TBXAS1: variants seen among roughly 807,000 people sequenced by gnomAD.
TBXAS1 encodes thromboxane A synthase 1, also known as thromboxane-A synthase.
Under a neutral mutation model 60.7 loss-of-function variants are expected in TBXAS1, and 48 were observed. That is an observed-to-expected ratio of 0.79 (90% CI 0.63 to 1.01). TBXAS1 has a LOEUF of 1.01. Among genes scored for constraint, TBXAS1 ranks in the 50% least tolerant of loss-of-function variants. TBXAS1 has a pLI of 0.00. For synonymous variants in TBXAS1, 287 were observed against 269.7 expected (o/e 1.06, Z -0.63); for missense variants, 685 against 686.3 (o/e 1.00, Z 0.02).
intron 10 of TBXAS1, among the ~76,000 whole-genome samples, chr7:140,008,447 C>CTTTTTT (rs35875761): frequency 7.9e-6 from 1 of 126,058 alleles, no homozygotes; most frequent in African/African-American, 3.0e-5. Context: ...TTCTTTTATT[C>CTTTTTT]TTTTTTTTTT....
At chr7:139,839,289 T>G (rs1002199020) in intron 1 of TBXAS1, among the ~76,000 whole-genome samples, 1 of 152,216 alleles carries the variant, frequency 6.6e-6, no homozygotes, top group Non-Finnish European at 1.5e-5. Context: ...AGTGGGAAAC[T>G]GCTCCCTTCT....
chr7:139,787,162 A>G (rs1483898440), intron 3 of TBXAS1, among the ~76,000 whole-genome samples: 2 of 152,194 alleles, frequency 1.3e-5, no homozygotes, highest in African/African-American at 4.8e-5. Context: ...AAAACAAATA[A>G]TCTTTTGTCA....
chr7:139,994,050 A>AT (rs945812757), intron 9 of TBXAS1, among the ~76,000 whole-genome samples: 7 of 149,920 alleles, frequency 4.7e-5, no homozygotes, highest in African/African-American at 1.7e-4. Flanking sequence ...TGCCCAGCTG[A>AT]TTTTTTTTGA....
At chr7:139,817,997 C>T (rs920251966) in intron 4 of TBXAS1, among the ~76,000 whole-genome samples, 2 of 152,180 alleles carry the variant, frequency 1.3e-5, no homozygotes, top group Non-Finnish European at 2.9e-5. Flanking sequence ...AGAAACATTT[C>T]GTGATCACCT....
intron 4 of TBXAS1, among the ~76,000 whole-genome samples, chr7:139,914,435 C>A (rs749536769): frequency 2.0e-5 from 3 of 152,106 alleles, no homozygotes; most frequent in Non-Finnish European, 4.4e-5. Flanking sequence ...TGGTCACAAC[C>A]AGTGGCAGAA....
chr7:139,928,039 A>C (rs1807029039), intron 4 of TBXAS1, among the ~76,000 whole-genome samples: 1 of 152,178 alleles, frequency 6.6e-6, no homozygotes, highest in South Asian at 2.1e-4. Flanking sequence ...GTCAAATAGA[A>C]GTGTAATAGT....
chr7:139,950,680 ACCCC>A (rs1374980281), intron 5 of TBXAS1, among the ~76,000 whole-genome samples: 30 of 108,930 alleles, frequency 2.8e-4, no homozygotes, highest in Non-Finnish European at 5.0e-4. Flanking sequence ...CATCTACGGG[ACCCC>A]CTCGCCCTCC....
intron 3 of TBXAS1, among the ~76,000 whole-genome samples, chr7:139,898,590 C>G (rs1321588946): frequency 6.6e-6 from 1 of 152,054 alleles, no homozygotes; most frequent in East Asian, 1.9e-4. Context: ...GGATTACAGG[C>G]GTGAGCCACT....
chr7:139,805,718 C>A (rs1294633622), intron 4 of TBXAS1, among the ~76,000 whole-genome samples: 21 of 116,222 alleles, frequency 1.8e-4, no homozygotes, highest in African/African-American at 7.0e-4. Flanking sequence ...TTCTTTCTCT[C>A]TCTCTCTCTC....
At chr7:139,955,673 T>C (rs952210002) in intron 7 of TBXAS1, 66 bp downstream of exon 7, 31 of 1,604,624 alleles carry the variant, frequency 1.9e-5, no homozygotes, top group Non-Finnish European at 2.5e-5. Flanking sequence ...CCATGACACC[T>C]GGGGTGGCTT....
chr7:139,956,155 T>C (rs957490132), intron 7 of TBXAS1, among the ~76,000 whole-genome samples: 1 of 152,060 alleles, frequency 6.6e-6, no homozygotes, highest in African/African-American at 2.4e-5. Context: ...ATTATTATTA[T>C]TATTTTTTTA....
intron 4 of TBXAS1, among the ~76,000 whole-genome samples, chr7:139,799,157 T>A (rs780034176): frequency 6.6e-5 from 10 of 150,554 alleles, no homozygotes; most frequent in Non-Finnish European, 1.5e-4. Flanking sequence ...CAGCTTCCAC[T>A]TCCTGGGCTC....
intron 1 of TBXAS1, among the ~76,000 whole-genome samples, chr7:139,836,906 C>G (rs550531533): frequency 6.3e-4 from 96 of 152,286 alleles, no homozygotes; most frequent in African/African-American, 2.2e-3. Flanking sequence ...TCTTCACAAT[C>G]TATACATCTG....
At chr7:139,964,318 C>G (rs1370738838) in intron 9 of TBXAS1, among the ~76,000 whole-genome samples, 1 of 152,228 alleles carries the variant, frequency 6.6e-6, no homozygotes, top group South Asian at 2.1e-4. Context: ...CTCCCAACCT[C>G]AGGTGATCCG....
At chr7:139,991,521 C>A (rs935142933) in intron 9 of TBXAS1, among the ~76,000 whole-genome samples, 4 of 152,164 alleles carry the variant, frequency 2.6e-5, no homozygotes, top group African/African-American at 9.7e-5. Context: ...AGGGAGAGGT[C>A]ATTTATGAAC....
chr7:139,945,160 A>G (rs532617712), intron 5 of TBXAS1, among the ~76,000 whole-genome samples: 1 of 152,370 alleles, frequency 6.6e-6, no homozygotes, highest in East Asian at 1.9e-4. Flanking sequence ...TGTTGCTGAA[A>G]GCACATGGAC....
At chr7:139,964,038 G>C (rs1810581018) in intron 9 of TBXAS1, among the ~76,000 whole-genome samples, 1 of 152,104 alleles carries the variant, frequency 6.6e-6, no homozygotes, top group East Asian at 1.9e-4. Context: ...TTCCCAGAAA[G>C]AGTCATGAGG....
chr7:139,886,626 A>T (rs974743391), intron 3 of TBXAS1, among the ~76,000 whole-genome samples: 1 of 152,140 alleles, frequency 6.6e-6, no homozygotes, highest in Non-Finnish European at 1.5e-5. Flanking sequence ...GCAGGAAGGA[A>T]ATCCAGGTAC....
Position 139,953,358 on chromosome 7 carries a change from C to A in TBXAS1, c.451-10C>A. 1 of 1,611,262 alleles carries A rather than the reference C, an allele frequency of 6.2e-7. No individual in the cohort carries two copies. The highest frequency in any genetic ancestry group is 8.5e-7 in the Non-Finnish European group (1 of 1,177,362). On this transcript the variant is annotated splice_polypyrimidine_tract_variant and intron_variant, in intron 5 of 12. Transcript: ENST00000448866. ...GGTGCCCTAATTACACCTTTGTTAT[C>A]CATTATCAGATGGTTCCCCTCATCA...
Sources: allele counts gnomAD v4.1 joint callset (sites outside exome capture counted in the v4.1 genomes callset), GRCh38; gene constraint gnomAD v4.1.1; transcripts MANE v1.5; gene names NCBI Gene and HGNC (gene_info 2026-07-23, HGNC 2026-07-21).